Variants in LIFR observed in about 807,000 individuals in gnomAD.
LIFR encodes LIF receptor subunit alpha.
In LIFR, 84 loss-of-function variants were observed where a neutral mutation model predicts 122.2. The observed-to-expected ratio is 0.69, with a 90% confidence interval of 0.58 to 0.82. The LOEUF (loss-of-function observed/expected upper bound fraction) is 0.82. Among genes scored for constraint, LIFR ranks in the 40% least tolerant of loss-of-function variants. LIFR has a pLI of 0.00. For synonymous variants in LIFR, 422 were observed against 434.7 expected, an observed-to-expected ratio of 0.97 and a Z score of 0.36; for missense variants, 1,294 against 1,311.6, an observed-to-expected ratio of 0.99 and a Z score of 0.21.
chr5:38,504,813 A>C (rs541478078), intron 9 of LIFR, among the ~76,000 whole-genome samples: 1 of 152,342 alleles, frequency 6.6e-6, no homozygotes, highest in African/African-American at 2.4e-5. Flanking sequence ...AAAAATCCAG[A>C]AATCGCAAAG....
intron 1 of LIFR, among the ~76,000 whole-genome samples, chr5:38,535,790 C>A (rs926339190): frequency 1.3e-5 from 2 of 152,124 alleles, no homozygotes; most frequent in African/African-American, 4.8e-5. Context: ...TTATTATATG[C>A]CCACACAGTA....
chr5:38,578,849 G>A (rs560699786), intron 1 of LIFR, among the ~76,000 whole-genome samples: 4 of 152,286 alleles, frequency 2.6e-5, no homozygotes, highest in Middle Eastern at 3.4e-3. Flanking sequence ...GAGCCACCAC[G>A]CGCAGCCTAG....
intron 14 of LIFR, among the ~76,000 whole-genome samples, chr5:38,493,000 G>A (rs982085049): frequency 2.0e-5 from 3 of 152,294 alleles, no homozygotes; most frequent in South Asian, 2.1e-4. Context: ...ACACTCACCG[G>A]CAGCTCACAA....
intron 1 of LIFR, among the ~76,000 whole-genome samples, chr5:38,567,717 C>T (rs1364336750): frequency 5.3e-5 from 8 of 151,712 alleles, no homozygotes; most frequent in African/African-American, 1.5e-4. Context: ...TTAGTAGAGC[C>T]GAGGTTTTGC....
chr5:38,556,569 G>A lies in LIFR; in HGVS notation c.-255C>T, dbSNP rs1409217889. 2 of 149,750 alleles carry A rather than the reference G, an allele frequency of 1.3e-5. No individual in the cohort carries two copies. The highest frequency in any genetic ancestry group is 4.0e-4 in the East Asian group (2 of 5,042). The allele number at this position is 149,750 out of a possible 1,614,324, so 9.3% of individuals were successfully genotyped here. On this transcript the variant is annotated 5_prime_UTR_variant, in exon 1 of 20. Coordinates refer to ENST00000453190, the MANE Select transcript of LIFR (RefSeq NM_001127671.2). Reference sequence around the variant, plus strand: ...GCCCGCTGCGCTCCGCGAACCCCGCGGGCCGCCGCCGCCGCCAGAGCCTCC... The same window carrying A: ...GCCCGCTGCGCTCCGCGAACCCCGCAGGCCGCCGCCGCCGCCAGAGCCTCC...
At chr5:38,511,316 C>T (rs921276380) in intron 6 of LIFR, among the ~76,000 whole-genome samples, 1 of 152,056 alleles carries the variant, frequency 6.6e-6, no homozygotes, top group African/African-American at 2.4e-5. Flanking sequence ...AACAATTTTC[C>T]AGGCCCCCTA....
Position 38,529,156 on chromosome 5 carries a change from T to C in LIFR, c.143-316A>G, listed in dbSNP as rs149190279. On this transcript the variant is annotated intron_variant, in intron 2 of 19. Transcript: ENST00000453190. ...ATCAAAAATTCCACTTCCAAGCAAC[T>C]AAGACAAATTAAGGGAGTGAGTGGC... Among the ~76,000 whole-genome samples the C allele has an allele frequency of 4.6e-3, 704 of 152,002 alleles. 6 individuals carry two copies. The highest frequency in any genetic ancestry group is 0.016 in the African/African-American group (682 of 41,452).
At chr5:38,562,298 T>C (rs991009018) in intron 1 of LIFR, among the ~76,000 whole-genome samples, 3 of 152,226 alleles carry the variant, frequency 2.0e-5, no homozygotes, top group Non-Finnish European at 4.4e-5. Flanking sequence ...TATACCTCAC[T>C]TCTTAGCCAT....
chr5:38,491,531 G>T (rs1744593766), intron 14 of LIFR, among the ~76,000 whole-genome samples: 1 of 152,152 alleles, frequency 6.6e-6, no homozygotes, highest in Non-Finnish European at 1.5e-5. Context: ...GATAATGCCG[G>T]GGGACACGCA....
intron 13 of LIFR, 88 bp downstream of exon 13, chr5:38,496,294 A>G (rs1450783931): frequency 9.5e-7 from 1 of 1,048,952 alleles, no homozygotes; most frequent in East Asian, 2.4e-5. Flanking sequence ...TACGAGAAGA[A>G]GGCTGACATG....
chr5:38,498,752 A>C (rs1745020232), intron 12 of LIFR, among the ~76,000 whole-genome samples: 1 of 152,230 alleles, frequency 6.6e-6, no homozygotes, highest in South Asian at 2.1e-4. Flanking sequence ...AACTGAGAGT[A>C]GCTGGGGGAT....
At chr5:38,597,323 G>T (rs1750126520), upstream of LIFR, among the ~76,000 whole-genome samples, 1 of 152,204 alleles carries the variant, frequency 6.6e-6, no homozygotes, top group Non-Finnish European at 1.5e-5. Context: ...GGCCTGAGCT[G>T]GAGAGTTCAG....
intron 2 of LIFR, among the ~76,000 whole-genome samples, chr5:38,529,204 G>T (rs1746868139): frequency 6.6e-6 from 1 of 151,782 alleles, no homozygotes; most frequent in Non-Finnish European, 1.5e-5. Flanking sequence ...TTCAATAATG[G>T]GACCAAGAGA....
chr5:38,529,327 T>C (rs190195919), intron 2 of LIFR, among the ~76,000 whole-genome samples: 286 of 152,256 alleles, frequency 1.9e-3, no homozygotes, highest in African/African-American at 6.4e-3. Context: ...TCCAAGTTTT[T>C]AAACAAAACT....
rs1441942297 is a variant in LIFR at position 38,510,735 on chromosome 5, G to A, written c.737-17C>T. ...CAGGTATCCCTAGAAAGAAAAAGAG[G>A]AATTATAAACATTTTATATAGAAGT... On this transcript the variant is annotated splice_polypyrimidine_tract_variant and intron_variant, in intron 6 of 19. Transcript: ENST00000453190. The A allele has an allele frequency of 1.3e-6, 2 of 1,595,956 alleles. No homozygotes were observed. Among genetic ancestry groups the A allele is most frequent in the Non-Finnish European group, 1.7e-6 (2 of 1,165,374 alleles).
chr5:38,557,415 G>A (rs1039730189), upstream of LIFR: 2 of 154,772 alleles, frequency 1.3e-5, no homozygotes, highest in Admixed American at 6.5e-5. Flanking sequence ...AGCGTTTGAT[G>A]GCGCAGAATC....
intron 1 of LIFR, among the ~76,000 whole-genome samples, chr5:38,562,524 T>G (rs1471804378): frequency 3.3e-5 from 5 of 152,232 alleles, no homozygotes; most frequent in Non-Finnish European, 5.9e-5. Context: ...ATTAAGCTAA[T>G]GGATCCCACA....
chr5:38,554,882 G>C (rs1011218184), intron 1 of LIFR: 1 of 152,178 alleles, frequency 6.6e-6, no homozygotes, highest in Non-Finnish European at 1.5e-5. Flanking sequence ...TGACCATTCA[G>C]AAGCAAATTT....
At chr5:38,514,215 A>G (rs1745955497) in intron 5 of LIFR, among the ~76,000 whole-genome samples, 1 of 152,264 alleles carries the variant, frequency 6.6e-6, no homozygotes, top group East Asian at 1.9e-4. Context: ...AAGTTCTCAA[A>G]AAAAAGGAGA....
Sources: gnomAD v4.1 joint callset for allele counts (sites outside exome capture counted in the v4.1 genomes callset) on GRCh38, gnomAD v4.1.1 for gene constraint, MANE v1.5 for transcripts, NCBI Gene and HGNC (gene_info 2026-07-23, HGNC 2026-07-21) for gene names.